PCDHA5: variants seen among roughly 807,000 people sequenced by gnomAD.
PCDHA5 encodes protocadherin alpha-5.
Under a neutral mutation model 61.6 loss-of-function variants are expected in PCDHA5, and 43 were observed. The ratio of observed to expected loss-of-function variants is 0.70; its 90% CI spans 0.55 to 0.90. The LOEUF is 0.90. PCDHA5 is among the 40% of genes least tolerant of loss of function. The pLI, the probability that PCDHA5 is intolerant of heterozygous loss-of-function variation, is 0.00. For synonymous variants in PCDHA5, 627 were observed against 543.9 expected, an observed-to-expected ratio of 1.15 and a Z score of -2.13; for missense variants, 1,298 against 1,222.7, an observed-to-expected ratio of 1.06 and a Z score of -0.92.
At position 140,892,541 on chromosome 5, in the gene PCDHA5, T is replaced by C. The variant is rs192378744; in HGVS notation, c.2352+68414T>C. Among the ~76,000 whole-genome samples, 471 of 152,362 alleles carry C rather than the reference T, an allele frequency of 3.1e-3. 2 individuals are homozygous for C. Among genetic ancestry groups the C allele is most frequent in the African/African-American group, 0.011 (438 of 41,580 alleles). On this transcript the variant is annotated intron_variant, in intron 1 of 3. Coordinates refer to ENST00000529859, the MANE Select transcript of PCDHA5 (RefSeq NM_018908.3). ...CTGGTAGACTCAGGATTCTGACTTTTGTTTCTCTAGTCCTTGGAGACTGTC... is the reference window on the plus strand; with the variant it reads ...CTGGTAGACTCAGGATTCTGACTTTCGTTTCTCTAGTCCTTGGAGACTGTC...
At chr5:140,994,157 G>A (rs958405989) in intron 3 of PCDHA5, among the ~76,000 whole-genome samples, 1 of 152,198 alleles carries the variant, frequency 6.6e-6, no homozygotes, top group Non-Finnish European at 1.5e-5. Context: ...TAGGGTCAAC[G>A]AAGGGGAAGG....
chr5:140,829,814 G>GGT (rs2150175309), intron 1 of PCDHA5: 1 of 1,613,902 alleles, frequency 6.2e-7, no homozygotes, highest in East Asian at 2.2e-5. Flanking sequence ...TGGTACTGGT[G>GGT]GTGCAGTGAG....
At chr5:140,828,556 G>A in intron 1 of PCDHA5, 1 of 1,614,252 alleles carries the variant, frequency 6.2e-7, no homozygotes. Context: ...TTCCACTGGA[G>A]GGCGCGTCCG....
chr5:140,877,112 G>A, intron 1 of PCDHA5: 1 of 1,613,670 alleles, frequency 6.2e-7, no homozygotes, highest in Non-Finnish European at 8.5e-7. Flanking sequence ...CCTCTGGGCA[G>A]CAACGTGACG....
chr5:140,857,702 G>A, intron 1 of PCDHA5: 2 of 1,597,414 alleles, frequency 1.3e-6, no homozygotes, highest in East Asian at 2.2e-5. Flanking sequence ...GACGCTGCAG[G>A]TGTTCGTGCT....
intron 1 of PCDHA5, chr5:140,869,509 A>T (rs199564677): frequency 3.1e-6 from 5 of 1,614,206 alleles, no homozygotes; most frequent in Non-Finnish European, 3.4e-6. Context: ...GTTCTCGCTC[A>T]GAGAACAAAA....
At chr5:140,937,142 A>G (rs1362886135) in intron 1 of PCDHA5, among the ~76,000 whole-genome samples, 1 of 147,852 alleles carries the variant, frequency 6.8e-6, no homozygotes, top group Non-Finnish European at 1.5e-5. Context: ...GGTTCATGCC[A>G]TTCTCCTGCC....
At chr5:140,876,935 C>G in intron 1 of PCDHA5, 1 of 1,613,746 alleles carries the variant, frequency 6.2e-7, no homozygotes, top group Non-Finnish European at 8.5e-7. Flanking sequence ...CAGAAGAACG[C>G]GCTGGTGTCC....
intron 1 of PCDHA5, chr5:140,850,293 G>C (rs2150478191): frequency 6.3e-7 from 1 of 1,596,282 alleles, no homozygotes; most frequent in Non-Finnish European, 8.6e-7. Flanking sequence ...AGTGGACGCC[G>C]ACTCGGGCTA....
chr5:140,851,867 A>T, intron 1 of PCDHA5: 2 of 977,010 alleles, frequency 2.0e-6, no homozygotes, highest in South Asian at 9.5e-5. Context: ...CATACATAAC[A>T]CAAGGCAGAA....
chr5:140,850,003 C>G (rs782017581), intron 1 of PCDHA5: 1 of 1,596,910 alleles, frequency 6.3e-7, no homozygotes, highest in African/African-American at 1.3e-5. Context: ...GGCGAGCGCT[C>G]GCTGTCGAGC....
intron 1 of PCDHA5, among the ~76,000 whole-genome samples, chr5:140,914,944 CT>C (rs35695909): frequency 0.29 from 37,051 of 128,010 alleles, 4,894 homozygotes; most frequent in East Asian, 0.5. Flanking sequence ...GAAAAGTTGT[CT>C]TTTTTTTTTT....
chr5:140,843,653 C>T lies in PCDHA5; in HGVS notation c.2352+19526C>T, dbSNP rs2150364582. On this transcript the variant is annotated intron_variant, in intron 1 of 3. Coordinates refer to ENST00000529859, the MANE Select transcript of PCDHA5 (RefSeq NM_018908.3). ...CATGGCCTTCAGCCCCTGCCTTCCT[C>T]CTGATCTGGGATCAGTTGATGTAGG... is the stretch of plus-strand genomic sequence containing the variant. 2.4e-5 allele frequency: 38 copies of T among 1,595,020 alleles called. 6 individuals carry two copies. The highest frequency in any genetic ancestry group is 3.0e-5 in the Non-Finnish European group (35 of 1,164,614).
chr5:140,947,704 G>T (rs1199039011), intron 1 of PCDHA5, among the ~76,000 whole-genome samples: 2 of 151,488 alleles, frequency 1.3e-5, no homozygotes, highest in East Asian at 3.9e-4. Flanking sequence ...GTAGTTTTAA[G>T]TATTGAGGTT....
At position 140,842,935 on chromosome 5, in the gene PCDHA5, C is replaced by T. The variant is rs1329962165; in HGVS notation, c.2352+18808C>T. ...TGCTGCAGTTCCAGGTGAGCGCGCG[C>T]GACGCGGGCGTGCCGCCTCTGGGCA... On this transcript the variant is annotated intron_variant, in intron 1 of 3. Transcript: ENST00000529859. The T allele has an allele frequency of 3.8e-6, 6 of 1,594,442 alleles. No individual in the cohort carries two copies. In the African/African-American group the frequency reaches 8.1e-5, roughly 21 times the overall value.
At chr5:140,869,788 T>C (rs782425741) in intron 1 of PCDHA5, 4 of 1,612,892 alleles carry the variant, frequency 2.5e-6, no homozygotes, top group African/African-American at 1.3e-5. Context: ...CGTTCGGCTG[T>C]TAGTCCAAGT....
At chr5:141,000,120 C>G (rs1554257146) in intron 3 of PCDHA5, among the ~76,000 whole-genome samples, 1 of 152,052 alleles carries the variant, frequency 6.6e-6, no homozygotes, top group African/African-American at 2.4e-5. Flanking sequence ...CCCTCATCCC[C>G]AAGGCTTCAC....
At chr5:140,867,449 G>A (rs1423382267) in intron 1 of PCDHA5, 3 of 152,036 alleles carry the variant, frequency 2.0e-5, no homozygotes, top group African/African-American at 7.2e-5. Context: ...CTGAATTAGA[G>A]TTCTAGTGTT....
rs141570762 is a variant in PCDHA5 at position 140,830,083 on chromosome 5, G to C, written c.2352+5956G>C. ...AGCCGGCGCTGACAGCGACGGCCAC[G>C]GTTCTGGTGTCGCTGGTGGAGAGTG... is the stretch of plus-strand genomic sequence containing the variant. On this transcript the variant is annotated intron_variant, in intron 1 of 3. Transcript: ENST00000529859. 690 of 1,613,696 alleles carry C rather than the reference G, an allele frequency of 4.3e-4. 3 individuals are homozygous for C. In the African/African-American group the frequency reaches 8.5e-3, roughly 20 times the overall value.
Sources: allele counts gnomAD v4.1 joint callset (sites outside exome capture counted in the v4.1 genomes callset), GRCh38; gene constraint gnomAD v4.1.1; transcripts MANE v1.5; gene names NCBI Gene and HGNC (gene_info 2026-07-23, HGNC 2026-07-21).